PTPRJ: variants seen among roughly 807,000 people sequenced by gnomAD.
PTPRJ encodes receptor-type tyrosine-protein phosphatase eta.
A neutral mutation model predicts 141.3 loss-of-function variants in PTPRJ; 129 were observed. The observed-to-expected ratio is 0.91, with a 90% CI of 0.79 to 1.06. The LOEUF is 1.06. Ranked by LOEUF, PTPRJ falls within the 50% of genes least tolerant of loss-of-function variation. PTPRJ has a pLI of 0.00. For synonymous variants in PTPRJ, 610 were observed against 640.5 expected (o/e 0.95, Z 0.72); for missense variants, 1,601 against 1,679.7 (o/e 0.95, Z 0.82).
chr11:48,164,899 C>A (rs184459766), intron 24 of PTPRJ, among the ~76,000 whole-genome samples: 374 of 152,246 alleles, frequency 2.5e-3, no homozygotes, highest in African/African-American at 7.9e-3. Flanking sequence ...TGCATTGTGT[C>A]ATGCACTTGT....
intron 1 of PTPRJ, among the ~76,000 whole-genome samples, chr11:47,999,755 T>G (rs1435762967): frequency 6.6e-6 from 1 of 152,064 alleles, no homozygotes; most frequent in East Asian, 1.9e-4. Context: ...TGATTGTCTA[T>G]GGGTATGTAG....
intron 3 of PTPRJ, among the ~76,000 whole-genome samples, chr11:48,113,745 G>A (rs1332412418): frequency 6.6e-6 from 1 of 152,178 alleles, no homozygotes; most frequent in African/African-American, 2.4e-5. Flanking sequence ...GTGGAGTCTT[G>A]CAGATTCTAT....
chr11:48,127,226 G>C (rs538961211), intron 6 of PTPRJ, among the ~76,000 whole-genome samples: 12 of 152,336 alleles, frequency 7.9e-5, no homozygotes, highest in African/African-American at 2.6e-4. Context: ...ATGTCGGGAG[G>C]GTGGAGTGGG....
chr11:48,010,623 C>T (rs1034248346), intron 1 of PTPRJ, among the ~76,000 whole-genome samples: 3 of 151,866 alleles, frequency 2.0e-5, no homozygotes, highest in Non-Finnish European at 2.9e-5. Context: ...CTGCAACCTC[C>T]GCCTCCTGGG....
chr11:47,988,753 C>CA (rs1854113815), intron 1 of PTPRJ, among the ~76,000 whole-genome samples: 1 of 152,010 alleles, frequency 6.6e-6, no homozygotes, highest in Non-Finnish European at 1.5e-5. Flanking sequence ...GGTTGTCCTC[C>CA]AAAAGTGTCC....
chr11:48,104,526 TAAAG>T (rs1181473715), intron 1 of PTPRJ, among the ~76,000 whole-genome samples: 1 of 152,180 alleles, frequency 6.6e-6, no homozygotes, highest in African/African-American at 2.4e-5. Context: ...TTTAGAAGGA[TAAAG>T]AGTCTATTGT....
intron 1 of PTPRJ, among the ~76,000 whole-genome samples, chr11:48,001,832 T>G (rs1371870819): frequency 6.6e-6 from 1 of 152,192 alleles, no homozygotes; most frequent in Non-Finnish European, 1.5e-5. Context: ...TATGAAATCA[T>G]GCCCACAGGC....
intron 1 of PTPRJ, among the ~76,000 whole-genome samples, chr11:48,094,793 T>A (rs1305150370): frequency 1.3e-5 from 2 of 152,158 alleles, no homozygotes; most frequent in Non-Finnish European, 2.9e-5. Context: ...AGATTTTGGA[T>A]TAGACTTTGG....
At chr11:48,133,883 A>G (rs1369274852) in intron 8 of PTPRJ, among the ~76,000 whole-genome samples, 3 of 152,246 alleles carry the variant, frequency 2.0e-5, no homozygotes, top group African/African-American at 7.2e-5. Context: ...TTCCACTTAC[A>G]TGAGTACCTA....
rs758233083 is a variant in PTPRJ at position 48,144,926 on chromosome 11, A to G, written c.2786+41A>G. 7 of 1,613,882 alleles carry G rather than the reference A, an allele frequency of 4.3e-6. No individual in the cohort carries two copies. The Admixed American group carries it at 8.3e-5, about 19-fold the overall frequency. ...TCTTACTCTTTGGGGGCTGAGCCTC[A>G]TGAGCATAAAGCTCTACATGCCTGC... is the stretch of plus-strand genomic sequence containing the variant. On this transcript the variant is annotated intron_variant, in intron 13 of 24. Coordinates refer to ENST00000418331, the MANE Select transcript of PTPRJ (RefSeq NM_002843.4).
At position 48,148,498 on chromosome 11, in the gene PTPRJ, C is replaced by T. The variant is rs537376423; in HGVS notation, c.3000-949C>T. Among the ~76,000 whole-genome samples the T allele has an allele frequency of 1.2e-3, 187 of 151,794 alleles. 1 individual carries two copies. Among genetic ancestry groups the T allele is most frequent in the African/African-American group, 4.3e-3 (177 of 41,362 alleles). On this transcript the variant is annotated intron_variant, in intron 15 of 24. Coordinates refer to ENST00000418331, the MANE Select transcript of PTPRJ (RefSeq NM_002843.4). ...TGTTGTCCAGGCTGGAGTGCAATGG[C>T]GTGGTCTTGGCTCACTGCAACCTCT...
At chr11:48,081,766 T>C (rs1226223353) in intron 1 of PTPRJ, among the ~76,000 whole-genome samples, 1 of 94,412 alleles carries the variant, frequency 1.1e-5, no homozygotes, top group South Asian at 3.1e-4. Flanking sequence ...GTAAAATGGG[T>C]GGGGGGAAGG....
chr11:48,168,532 G>GTATATATATATA lies in PTPRJ; in HGVS notation c.*1171_*1172insATATATATATAT, dbSNP rs1555061195. 8.4e-4 allele frequency: 37 copies of GTATATATATATA among 43,910 alleles called. 9 individuals carry two copies. The highest frequency in any genetic ancestry group is 1.6e-3 in the African/African-American group (18 of 11,478). 2.7% of individuals were successfully genotyped at this position (43,910 alleles called of 1,614,324 possible). On this transcript the variant is annotated 3_prime_UTR_variant, in exon 25 of 25. Coordinates refer to ENST00000418331, the MANE Select transcript of PTPRJ (RefSeq NM_002843.4). ...GCCGTGACACATATCGGAATCTACTGTGTATATATATATATATATATATAT... is the reference window on the plus strand; with the variant it reads ...GCCGTGACACATATCGGAATCTACTGTATATATATATATGTATATATATATATATATATATAT...
chr11:48,105,237 G>A (rs1230465794), intron 1 of PTPRJ, among the ~76,000 whole-genome samples: 1 of 150,316 alleles, frequency 6.7e-6, no homozygotes, highest in African/African-American at 2.4e-5. Context: ...AGGTCCTGGC[G>A]CACCCAGATC....
chr11:48,078,790 A>G (rs1418438172), intron 1 of PTPRJ, among the ~76,000 whole-genome samples: 1 of 137,860 alleles, frequency 7.3e-6, no homozygotes, highest in Non-Finnish European at 1.5e-5. Flanking sequence ...CAGTGTCTGT[A>G]AATAGTTTTT....
chr11:48,115,882 C>A (rs1014367022), intron 3 of PTPRJ, among the ~76,000 whole-genome samples: 2 of 152,048 alleles, frequency 1.3e-5, no homozygotes, highest in Non-Finnish European at 2.9e-5. Context: ...CTATAAGATT[C>A]TTTTTATAAG....
chr11:48,136,942 T>C lies in PTPRJ; in HGVS notation c.1874-61T>C, dbSNP rs540004486. The C allele has an allele frequency of 3.5e-4, 510 of 1,445,224 alleles. 4 individuals carry two copies. The African/African-American group carries it at 6.5e-3, about 18-fold the overall frequency. The allele number at this position is 1,445,224 out of a possible 1,614,324, so 89.5% of individuals were successfully genotyped here. On this transcript the variant is annotated intron_variant, in intron 9 of 24. Coordinates refer to ENST00000418331, the MANE Select transcript of PTPRJ (RefSeq NM_002843.4). Reference sequence around the variant, plus strand: ...CCAGGCTATTTTTGGATATAGTAAATAGTCCTGGAATTCTACTTAATCTGT... The same window carrying C: ...CCAGGCTATTTTTGGATATAGTAAACAGTCCTGGAATTCTACTTAATCTGT...
chr11:48,030,264 A>G (rs1434011031), intron 1 of PTPRJ, among the ~76,000 whole-genome samples: 2 of 152,242 alleles, frequency 1.3e-5, no homozygotes, highest in African/African-American at 2.4e-5. Flanking sequence ...AATCAGATTT[A>G]TAGTCAGTTA....
intron 10 of PTPRJ, among the ~76,000 whole-genome samples, chr11:48,138,536 G>C (rs1187100114): frequency 6.6e-6 from 1 of 152,128 alleles, no homozygotes; most frequent in African/African-American, 2.4e-5. Flanking sequence ...CTGTCCTCCA[G>C]TTGTAATATG....
Sources: allele counts gnomAD v4.1 joint callset (sites outside exome capture counted in the v4.1 genomes callset), GRCh38; gene constraint gnomAD v4.1.1; transcripts MANE v1.5; gene names NCBI Gene and HGNC (gene_info 2026-07-23, HGNC 2026-07-21).